PHF14: variants seen among roughly 807,000 people sequenced by gnomAD.
PHF14 encodes the protein PHD finger protein 14.
In PHF14, 55 loss-of-function variants were observed where a neutral mutation model predicts 117.9. The observed-to-expected ratio is 0.47, with a 90% CI of 0.38 to 0.58. PHF14 has a LOEUF of 0.58. Ranked by LOEUF, PHF14 falls within the 20% of genes least tolerant of loss-of-function variation. The pLI, the probability that PHF14 is intolerant of heterozygous loss-of-function variation, is 0.00. For missense variants in PHF14, 978 were observed against 1,122.2 expected, an observed-to-expected ratio of 0.87 and a Z score of 1.84; for synonymous variants, 409 against 368.6, an observed-to-expected ratio of 1.11 and a Z score of -1.26.
intron 6 of PHF14, 75 bp downstream of exon 6, chr7:11,023,054 A>G (rs1424341615): frequency 1.4e-5 from 10 of 714,230 alleles, no homozygotes; most frequent in Non-Finnish European, 2.1e-5. Context: ...TTTTATTTGT[A>G]TTATGTTGAC....
chr7:11,040,546 T>C (rs1562434851), intron 11 of PHF14, 126 bp from the exon 12 acceptor site: 1 of 413,854 alleles, frequency 2.4e-6, no homozygotes, highest in Non-Finnish European at 4.4e-6. Flanking sequence ...CAATGTAAAA[T>C]CTGATAAAGC....
At chr7:11,068,502 A>G (rs1785500461) in intron 16 of PHF14, among the ~76,000 whole-genome samples, 1 of 152,192 alleles carries the variant, frequency 6.6e-6, no homozygotes, top group Admixed American at 6.5e-5. Context: ...TTATAGAGAC[A>G]AAAGTAAAAA....
intron 16 of PHF14, among the ~76,000 whole-genome samples, chr7:11,080,440 G>A (rs1306939053): frequency 6.6e-6 from 1 of 152,138 alleles, no homozygotes; most frequent in Admixed American, 6.5e-5. Context: ...TGGAAATTGG[G>A]TTGAAGTTTC....
At chr7:11,112,727 C>T (rs949650611) in intron 17 of PHF14, among the ~76,000 whole-genome samples, 7 of 151,542 alleles carry the variant, frequency 4.6e-5, no homozygotes, top group Non-Finnish European at 5.9e-5. Context: ...ACCGAGATCA[C>T]GCCATTGCAT....
intron 14 of PHF14, among the ~76,000 whole-genome samples, chr7:11,054,774 T>G (rs1784960446): frequency 6.6e-6 from 1 of 152,172 alleles, no homozygotes; most frequent in Admixed American, 6.6e-5. Context: ...AATATCCTCC[T>G]ACTTACACTT....
chr7:11,083,250 G>A (rs953085751), intron 16 of PHF14, among the ~76,000 whole-genome samples: 1 of 152,128 alleles, frequency 6.6e-6, no homozygotes, highest in Non-Finnish European at 1.5e-5. Context: ...GCTTTGCTGA[G>A]AAATCCTTTG....
In PHF14 at chr7:11,130,322, C is replaced by G. The variant is rs1261640884; in HGVS notation, c.2772+18855C>G. ...CCATATGCTACCATACTTCCAAGAC[C>G]TTTCTGGGATTCATTCCAGGATTCA... On this transcript the variant is annotated intron_variant, in intron 17 of 17. Coordinates refer to ENST00000634607, the MANE Select transcript of PHF14 (RefSeq NM_001007157.2). The surrounding 1 kb of genome is among the most constrained non-coding windows in gnomAD (Gnocchi z 4.2). Among the ~76,000 whole-genome samples the G allele has an allele frequency of 6.6e-6, 1 of 151,918 alleles. No individual in the cohort carries two copies. Among genetic ancestry groups the G allele is most frequent in the Non-Finnish European group, 1.5e-5 (1 of 67,922 alleles).
At chr7:11,115,465 A>G (rs1787569862) in intron 17 of PHF14, among the ~76,000 whole-genome samples, 1 of 152,076 alleles carries the variant, frequency 6.6e-6, no homozygotes, top group African/African-American at 2.4e-5. Context: ...CGTCACACAT[A>G]CATATTTATG....
rs146343418 is a variant in PHF14 at position 11,131,946 on chromosome 7, TTTTTC to T, written c.2772+20482_2772+20486del. On this transcript the variant is annotated intron_variant, in intron 17 of 17. Transcript: ENST00000634607. ...TGTTACAACAATGGACTACTGGAAT[TTTTTC>T]TTGTTGGGTTTTTTTAAAAATTTTT... 7.9e-3 allele frequency among the ~76,000 whole-genome samples: 1,204 copies of T among 151,890 alleles called. 11 individuals carry two copies. Among genetic ancestry groups the T allele is most frequent in the African/African-American group, 0.028 (1,148 of 41,504 alleles).
At chr7:11,122,897 T>C (rs1787817565) in intron 17 of PHF14, among the ~76,000 whole-genome samples, 1 of 152,188 alleles carries the variant, frequency 6.6e-6, no homozygotes, top group South Asian at 2.1e-4. Context: ...CCCAGCTGCA[T>C]GTCCAGGAAC....
chr7:11,042,506 A>G (rs1243988651), intron 12 of PHF14, among the ~76,000 whole-genome samples, 177 bp from the exon 13 acceptor site: 3 of 152,022 alleles, frequency 2.0e-5, no homozygotes, highest in African/African-American at 7.2e-5. Flanking sequence ...AGTATTTAGA[A>G]CTAACAGTTA....
chr7:11,149,237 A>C (rs568322439), intron 17 of PHF14, among the ~76,000 whole-genome samples: 16 of 152,150 alleles, frequency 1.1e-4, no homozygotes, highest in Middle Eastern at 3.4e-3. Flanking sequence ...CACACACACA[A>C]ATTTTTTTAA....
chr7:10,974,796 G>A (rs1216965687), intron 1 of PHF14, 39 bp from the exon 2 acceptor site: 4 of 1,008,764 alleles, frequency 4.0e-6, no homozygotes, highest in Non-Finnish European at 6.0e-6. Flanking sequence ...TGTGTTTGGT[G>A]TGATTATGAA....
intron 16 of PHF14, chr7:11,107,799 A>G (rs1340147388): frequency 2.4e-6 from 2 of 844,842 alleles, no homozygotes; most frequent in Non-Finnish European, 2.8e-6. Context: ...AAAACATTTT[A>G]TTCACTATTT....
chr7:11,076,028 A>G (rs1785837339), intron 16 of PHF14, among the ~76,000 whole-genome samples: 1 of 152,064 alleles, frequency 6.6e-6, no homozygotes, highest in African/African-American at 2.4e-5. Flanking sequence ...AGTTCCAGCT[A>G]CTCGGGAGGC....
intron 13 of PHF14, among the ~76,000 whole-genome samples, chr7:11,049,015 T>C (rs1784764667): frequency 6.6e-6 from 1 of 152,164 alleles, no homozygotes; most frequent in Non-Finnish European, 1.5e-5. Context: ...AAGAATGTCC[T>C]GACAAGGGTA....
At chr7:11,004,524 C>G (rs532290793) in intron 4 of PHF14, among the ~76,000 whole-genome samples, 1 of 151,948 alleles carries the variant, frequency 6.6e-6, no homozygotes, top group African/African-American at 2.4e-5. Context: ...TGTGTTATAT[C>G]TCTTTAGTCT....
chr7:11,124,238 A>G (rs751803773), intron 17 of PHF14, among the ~76,000 whole-genome samples: 2 of 152,112 alleles, frequency 1.3e-5, no homozygotes. Context: ...ATTTCTGCTC[A>G]TGTTTTGGTG....
intron 3 of PHF14, among the ~76,000 whole-genome samples, chr7:10,986,010 C>G (rs1782213253): frequency 6.6e-6 from 1 of 151,728 alleles, no homozygotes; most frequent in Non-Finnish European, 1.5e-5. Context: ...GCTTTGTTTC[C>G]TGGACTGGGG....
Sources: allele counts gnomAD v4.1 joint callset (sites outside exome capture counted in the v4.1 genomes callset), GRCh38; gene constraint gnomAD v4.1.1; non-coding constraint Gnocchi (gnomAD v3.1); transcripts MANE v1.5; gene names NCBI Gene and HGNC (gene_info 2026-07-23, HGNC 2026-07-21).